The following ROMO1 variants were observed in gnomAD, a reference collection of about 807,000 sequenced individuals.
ROMO1 encodes the protein PCM19.
In ROMO1, 8 loss-of-function variants were observed where a neutral mutation model predicts 7.4. The ratio of observed to expected loss-of-function variants is 1.08; its 90% confidence interval spans 0.63 to 1.95. The LOEUF is 1.95. ROMO1 is among the 30% of genes most tolerant of loss of function. ROMO1 has a pLI of 0.00. For synonymous variants in ROMO1, 43 were observed against 41.4 expected, an observed-to-expected ratio of 1.04 and a Z score of -0.15; for missense variants, 91 against 115.9, an observed-to-expected ratio of 0.79 and a Z score of 0.99.
At chr20:35,700,222 G>A (rs2035233656) in intron 2 of ROMO1, among the ~76,000 whole-genome samples, 1 of 152,126 alleles carries the variant, frequency 6.6e-6, no homozygotes, top group Non-Finnish European at 1.5e-5. Context: ...AGGATACAGA[G>A]ATAAAGCAGT....
chr20:35,699,815 C>T lies in ROMO1; in HGVS notation c.131+52C>T. 1 of 1,562,486 alleles carries T rather than the reference C, an allele frequency of 6.4e-7. No individual in the cohort carries two copies. Among genetic ancestry groups the T allele is most frequent in the African/African-American group, 1.4e-5 (1 of 73,944 alleles). On this transcript the variant is annotated intron_variant, in intron 2 of 2. Coordinates refer to ENST00000374077, the MANE Select transcript of ROMO1 (RefSeq NM_080748.3). The surrounding 1 kb of genome is among the most constrained non-coding windows in gnomAD (Gnocchi z 4.4). ...GGCAGGACAACCAGACCTTCCGGCC[C>T]TGCCCCATTCGGCCTGGAGCCTGAA...
Position 35,699,890 on chromosome 20 carries a change from T to C in ROMO1, c.131+127T>C. 1.6e-6 allele frequency: 2 copies of C among 1,274,884 alleles called. No homozygotes were observed. Among genetic ancestry groups the C allele is most frequent in the Non-Finnish European group, 2.1e-6 (2 of 938,786 alleles). The allele number at this position is 1,274,884 out of a possible 1,614,324, so 79.0% of individuals were successfully genotyped here. A position where few individuals can be genotyped will look rare whatever the true frequency, so the allele number is the denominator to read the frequency against. On this transcript the variant is annotated intron_variant, in intron 2 of 2. Transcript: ENST00000374077. This position sits in a 1 kb window ranked among gnomAD's most constrained non-coding sequence, Gnocchi z 4.4. Reference sequence around the variant, plus strand: ...CTCTCTGTCCCCTCGCGAGCCAGACTCATTCCAAACCACCTTCAATCTGTA... The same window carrying C: ...CTCTCTGTCCCCTCGCGAGCCAGACCCATTCCAAACCACCTTCAATCTGTA...
rs1410238313 is a variant in ROMO1, at chr20:35,699,912, T to C, written c.131+149T>C. The C allele has an allele frequency of 1.8e-6, 2 of 1,084,062 alleles. No homozygotes were observed. Among genetic ancestry groups the C allele is most frequent in the African/African-American group, 3.2e-5 (2 of 61,932 alleles). 67.2% of individuals were successfully genotyped at this position (1,084,062 alleles called of 1,614,324 possible). ...GACTCATTCCAAACCACCTTCAATC[T>C]GTAAAGTCAGGTTGGAAGCGTCAGT... On this transcript the variant is annotated intron_variant, in intron 2 of 2. Coordinates refer to ENST00000374077, the MANE Select transcript of ROMO1 (RefSeq NM_080748.3). This position sits in a 1 kb window ranked among gnomAD's most constrained non-coding sequence, Gnocchi z 4.4.
In ROMO1 at chr20:35,699,447, G is replaced by A. The variant is rs1568968892; in HGVS notation, c.-10G>A. The A allele has an allele frequency of 8.5e-7, 1 of 1,172,442 alleles. No homozygotes were observed. Among genetic ancestry groups the A allele is most frequent in the Non-Finnish European group, 1.2e-6 (1 of 855,092 alleles). 72.6% of individuals were successfully genotyped at this position (1,172,442 alleles called of 1,614,324 possible). ...TAGAGCTGAGCGACCCAGCCCGCGA[G>A]CGAGGTGAGGTAGGCGCCGGGCGAC... On this transcript the variant is annotated 5_prime_UTR_variant, in exon 1 of 3. Transcript: ENST00000374077. The surrounding 1 kb of genome is among the most constrained non-coding windows in gnomAD (Gnocchi z 4.4).
In ROMO1 at chr20:35,699,478, G is replaced by T; in HGVS notation, c.-1+22G>T. The T allele has an allele frequency of 1.6e-6, 2 of 1,246,878 alleles. No homozygotes were observed. The highest frequency in any genetic ancestry group is 2.8e-5 in the South Asian group (2 of 70,788). The allele number at this position is 1,246,878 out of a possible 1,614,324, so 77.2% of individuals were successfully genotyped here. On this transcript the variant is annotated intron_variant, in intron 1 of 2. Transcript: ENST00000374077. This position sits in a 1 kb window ranked among gnomAD's most constrained non-coding sequence, Gnocchi z 4.4. ...TGAGGTAGGCGCCGGGCGACGCGGG[G>T]CCGGAACGCGAAGAGGGTGGTGGAG... is the stretch of plus-strand genomic sequence containing the variant.
Sources: gnomAD v4.1 joint callset for allele counts (sites outside exome capture counted in the v4.1 genomes callset) on GRCh38, gnomAD v4.1.1 for gene constraint, Gnocchi (gnomAD v3.1) non-coding constraint, MANE v1.5 for transcripts, NCBI Gene and HGNC (gene_info 2026-07-23, HGNC 2026-07-21) for gene names.